Variants in LRRC28 observed in about 807,000 individuals in gnomAD.
The protein encoded by LRRC28 is leucine rich repeat containing 28.
In LRRC28, 39 loss-of-function variants were observed where a neutral mutation model predicts 45.7. The observed-to-expected ratio is 0.85, with a 90% CI of 0.66 to 1.12. The LOEUF (loss-of-function observed/expected upper bound fraction) is 1.12, where lower values mean the gene tolerates loss of function less well. LRRC28 is among the 50% of genes most tolerant of loss of function. The probability of loss-of-function intolerance (pLI) is 0.00; values close to 1 mark genes in which losing one functional copy is unlikely to be tolerated. For missense variants in LRRC28, 435 were observed against 438.5 expected, an observed-to-expected ratio of 0.99 and a Z score of 0.07; for synonymous variants, 206 against 178.8, an observed-to-expected ratio of 1.15 and a Z score of -1.22.
intron 5 of LRRC28, among the ~76,000 whole-genome samples, chr15:99,299,361 T>C (rs1338685230): frequency 6.6e-6 from 1 of 152,212 alleles, no homozygotes; most frequent in Admixed American, 6.5e-5. Flanking sequence ...AATTATTTTA[T>C]GTAAATTGTG....
chr15:99,292,510 G>A lies in LRRC28; in HGVS notation c.385+4559G>A, dbSNP rs566768297. On this transcript the variant is annotated intron_variant, in intron 5 of 9. Transcript: ENST00000301981. ...CTCCCGAGTAGCTGGGACTACAGGC[G>A]CCCGCCACCGCGCCCGGCTAATTTT... 2.6e-3 allele frequency among the ~76,000 whole-genome samples: 388 copies of A among 151,472 alleles called. 11 individuals are homozygous for A. The highest frequency in any genetic ancestry group is 0.025 in the Admixed American group (376 of 15,210).
chr15:99,284,817 C>A (rs1384152191), intron 3 of LRRC28: 29 of 546,012 alleles, frequency 5.3e-5, no homozygotes, highest in Admixed American at 1.9e-4. Flanking sequence ...TCCACCACTT[C>A]CAGAATTGCT....
intron 9 of LRRC28, among the ~76,000 whole-genome samples, chr15:99,378,519 A>G (rs1243211432): frequency 6.6e-6 from 1 of 152,176 alleles, no homozygotes; most frequent in African/African-American, 2.4e-5. Context: ...TTCCTAATTC[A>G]GTACCCTTTA....
chr15:99,279,480 C>T (rs187633554), intron 3 of LRRC28, among the ~76,000 whole-genome samples: 2 of 152,344 alleles, frequency 1.3e-5, no homozygotes, highest in African/African-American at 4.8e-5. Context: ...GGAATAAAGA[C>T]AGCCTTGCAA....
At position 99,287,855 on chromosome 15, in the gene LRRC28, G is replaced by C; in HGVS notation, c.289G>C (p.Asp97His). The C allele has an allele frequency of 1.2e-6, 2 of 1,613,652 alleles. No homozygotes were observed. The highest frequency in any genetic ancestry group is 1.3e-5 in the African/African-American group (1 of 75,044). ...LVKLQCLDLS[D>H]NALEIVCPEI... Reference sequence around the variant, plus strand: ...AAAACTCCAATGTCTGGATCTTAGTGACAATGCCTTAGAAATTGTTTGCCC... The same window carrying C: ...AAAACTCCAATGTCTGGATCTTAGTCACAATGCCTTAGAAATTGTTTGCCC... The change falls in exon 5 of 10, where the codon GAC becomes CAC. Residue 97 changes from aspartate to histidine, a missense_variant. By Grantham distance (81) the Asp-to-His change is moderately conservative. Coordinates refer to ENST00000301981, the MANE Select transcript of LRRC28 (RefSeq NM_144598.5).
intron 9 of LRRC28, among the ~76,000 whole-genome samples, chr15:99,376,500 A>G (rs1311954679): frequency 2.6e-5 from 4 of 152,008 alleles, no homozygotes; most frequent in African/African-American, 9.7e-5. Flanking sequence ...GCATCCTATT[A>G]CTTTTTGATG....
intron 3 of LRRC28, chr15:99,285,565 T>TGACTTAGACTTGACGGCAGGGGGAGGAGA (rs1169552820): frequency 1.7e-5 from 14 of 845,692 alleles, no homozygotes; most frequent in Non-Finnish European, 1.9e-5. Context: ...TTTAGGAGAC[T>TGACTTAGACTTGACGGCAGGGGGAGGAGA]GACTTAGACT....
chr15:99,260,789 G>A (rs1024573299), intron 2 of LRRC28, among the ~76,000 whole-genome samples: 1 of 152,162 alleles, frequency 6.6e-6, no homozygotes, highest in African/African-American at 2.4e-5. Context: ...GCCCAAAACT[G>A]GGGAAAACGT....
chr15:99,288,905 C>T (rs1300619667), intron 5 of LRRC28, among the ~76,000 whole-genome samples: 2 of 152,110 alleles, frequency 1.3e-5, no homozygotes, highest in East Asian at 1.9e-4. Context: ...GTCTCAAACT[C>T]CTGACGTCAA....
chr15:99,344,271 A>G (rs1228802035), intron 6 of LRRC28, among the ~76,000 whole-genome samples: 1 of 152,226 alleles, frequency 6.6e-6, no homozygotes, highest in Non-Finnish European at 1.5e-5. Context: ...TGGAGGAAGC[A>G]GGCTCAGAAC....
chr15:99,363,187 G>T lies in LRRC28; in HGVS notation c.953G>T (p.Cys318Phe), dbSNP rs776480738. 6.2e-7 allele frequency: 1 copy of T among 1,614,086 alleles called. No individual in the cohort carries two copies. The highest frequency in any genetic ancestry group is 1.1e-5 in the South Asian group (1 of 91,084). ...TGCCCTCTGGGGCACTGTCATCGGT[G>T]TAGTGAGCCTATGTTTACCATCGTC... Reference protein sequence around the residue: ...LHCPLGHCHRCSEPMFTIVYP... With the variant: ...LHCPLGHCHRFSEPMFTIVYP... The change falls in exon 9 of 10, where the codon TGT becomes TTT. Residue 318 changes from cysteine to phenylalanine, a missense_variant. Coordinates refer to ENST00000301981, the MANE Select transcript of LRRC28 (RefSeq NM_144598.5).
At chr15:99,346,001 T>C (rs1445260662) in intron 6 of LRRC28, among the ~76,000 whole-genome samples, 1 of 152,098 alleles carries the variant, frequency 6.6e-6, no homozygotes, top group African/African-American at 2.4e-5. Flanking sequence ...ATTTTTTTTT[T>C]AGCAGGGTCT....
chr15:99,258,329 A>C, intron 2 of LRRC28: 1 of 1,460,404 alleles, frequency 6.8e-7, no homozygotes, highest in Non-Finnish European at 9.6e-7. Flanking sequence ...TGCTGACCCA[A>C]GAGGAAACAC....
At chr15:99,351,472 C>T (rs1415911936) in intron 6 of LRRC28, among the ~76,000 whole-genome samples, 1 of 152,288 alleles carries the variant, frequency 6.6e-6, no homozygotes, top group East Asian at 1.9e-4. Flanking sequence ...TCAACTTCCT[C>T]CCTTTCTAGG....
intron 6 of LRRC28, among the ~76,000 whole-genome samples, chr15:99,341,036 T>C (rs765516994): frequency 5.3e-5 from 8 of 151,348 alleles, no homozygotes; most frequent in Admixed American, 1.3e-4. Context: ...TAACAAAAAC[T>C]CTTCTTTATC....
chr15:99,310,191 T>A (rs1173211146), intron 5 of LRRC28, among the ~76,000 whole-genome samples: 1 of 152,258 alleles, frequency 6.6e-6, no homozygotes, highest in Non-Finnish European at 1.5e-5. Context: ...ACTACCAACT[T>A]GTTCTTCAAA....
At chr15:99,304,911 C>G (rs1955125921) in intron 5 of LRRC28, among the ~76,000 whole-genome samples, 1 of 152,134 alleles carries the variant, frequency 6.6e-6, no homozygotes, top group African/African-American at 2.4e-5. Flanking sequence ...AAAAATACAG[C>G]TTTAGCCTTG....
Position 99,363,512 on chromosome 15 carries a change from T to C in LRRC28, c.1031+247T>C, listed in dbSNP as rs1597437233. 3.7e-5 allele frequency: 11 copies of C among 293,724 alleles called. No individual in the cohort carries two copies. In the East Asian group the frequency reaches 6.6e-4, roughly 18 times the overall value. The allele number at this position is 293,724 out of a possible 1,614,324, so 18.2% of individuals were successfully genotyped here. A position where few individuals can be genotyped will look rare whatever the true frequency, so the allele number is the denominator to read the frequency against. ...TATATTATTTAGAGGAGCTCATTCTTTGTGAGAATGTTTTCCTGCTATTTC... is the reference window on the plus strand; with the variant it reads ...TATATTATTTAGAGGAGCTCATTCTCTGTGAGAATGTTTTCCTGCTATTTC... On this transcript the variant is annotated intron_variant, in intron 9 of 9. Transcript: ENST00000301981.
At chr15:99,364,392 C>T (rs1258196208) in intron 9 of LRRC28, among the ~76,000 whole-genome samples, 1 of 152,164 alleles carries the variant, frequency 6.6e-6, no homozygotes, top group Non-Finnish European at 1.5e-5. Flanking sequence ...CTGGATAATC[C>T]TGTTTTGCTA....
Sources: allele counts gnomAD v4.1 joint callset (sites outside exome capture counted in the v4.1 genomes callset), GRCh38; gene constraint gnomAD v4.1.1; transcripts MANE v1.5; gene names NCBI Gene and HGNC (gene_info 2026-07-23, HGNC 2026-07-21).